HMGCLL1: variants seen among roughly 807,000 people sequenced by gnomAD.
The protein encoded by HMGCLL1 is 3-hydroxy-3-methylglutaryl-CoA lyase like 1, also known as 3-hydroxymethyl-3-methylglutaryl-CoA lyase, cytoplasmic.
A neutral mutation model predicts 39.1 loss-of-function variants in HMGCLL1; 36 were observed. That is an observed-to-expected ratio of 0.92 (90% CI 0.71 to 1.22). The LOEUF (loss-of-function observed/expected upper bound fraction) is 1.22, where lower values mean the gene tolerates loss of function less well. Ranked by LOEUF, HMGCLL1 falls within the 50% of genes most tolerant of loss-of-function variation. The pLI, the probability that HMGCLL1 is intolerant of heterozygous loss-of-function variation, is 0.00. For synonymous variants in HMGCLL1, 149 were observed against 144.0 expected, an observed-to-expected ratio of 1.03 and a Z score of -0.25; for missense variants, 451 against 416.5, an observed-to-expected ratio of 1.08 and a Z score of -0.72.
At chr6:55,533,546 A>G (rs1768812839) in intron 3 of HMGCLL1, among the ~76,000 whole-genome samples, 1 of 152,138 alleles carries the variant, frequency 6.6e-6, no homozygotes, top group African/African-American at 2.4e-5. Flanking sequence ...AAATAATTTA[A>G]CATATAGAAC....
At chr6:55,597,166 G>A in the HMGCLL1 span, among the ~76,000 whole-genome samples, 22 of 152,096 alleles carry the variant, frequency 1.4e-4, no homozygotes, top group Non-Finnish European at 3.2e-4. Context: ...AGAACTTAAC[G>A]TATGGAAGTG....
At chr6:55,641,214 G>A in the HMGCLL1 span, among the ~76,000 whole-genome samples, 1 of 151,566 alleles carries the variant, frequency 6.6e-6, no homozygotes, top group Non-Finnish European at 1.5e-5. Flanking sequence ...AAGACAGGAA[G>A]GAGAGGGGAA....
the HMGCLL1 span, among the ~76,000 whole-genome samples, chr6:55,598,582 A>G: frequency 6.6e-6 from 1 of 152,240 alleles, no homozygotes; most frequent in Non-Finnish European, 1.5e-5. Flanking sequence ...CAAGCTTTTC[A>G]GAACCTTATA....
At chr6:55,518,646 A>C (rs1767874105) in intron 3 of HMGCLL1, among the ~76,000 whole-genome samples, 1 of 152,106 alleles carries the variant, frequency 6.6e-6, no homozygotes, top group South Asian at 2.1e-4. Flanking sequence ...ACATCCTGTA[A>C]GAAAGCCCAA....
chr6:55,632,680 G>A, the HMGCLL1 span, among the ~76,000 whole-genome samples: 2 of 151,902 alleles, frequency 1.3e-5, no homozygotes, highest in African/African-American at 2.4e-5. Context: ...AGTGAATTTT[G>A]TATATACCTA....
the HMGCLL1 span, among the ~76,000 whole-genome samples, chr6:55,600,534 G>A: frequency 6.6e-6 from 1 of 152,138 alleles, no homozygotes; most frequent in African/African-American, 2.4e-5. Context: ...ATGGATGCTA[G>A]TAAATACTAT....
At chr6:55,475,305 T>C (rs1306208538) in intron 7 of HMGCLL1, among the ~76,000 whole-genome samples, 2 of 151,784 alleles carry the variant, frequency 1.3e-5, no homozygotes, top group East Asian at 3.9e-4. Flanking sequence ...TTCTCACTTT[T>C]AGATCCTGAT....
the HMGCLL1 span, among the ~76,000 whole-genome samples, chr6:55,603,694 T>C: frequency 6.6e-6 from 1 of 152,134 alleles, no homozygotes; most frequent in African/African-American, 2.4e-5. Context: ...TAGTCTTTTC[T>C]TACATCTCAC....
At chr6:55,528,351 G>A (rs949336205) in intron 3 of HMGCLL1, among the ~76,000 whole-genome samples, 4 of 152,020 alleles carry the variant, frequency 2.6e-5, no homozygotes, top group African/African-American at 7.2e-5. Context: ...CTCAATTTGA[G>A]CAGTAACTCC....
intron 1 of HMGCLL1, among the ~76,000 whole-genome samples, chr6:55,576,742 A>T (rs1771777661): frequency 6.6e-6 from 1 of 152,140 alleles, no homozygotes; most frequent in Admixed American, 6.5e-5. Flanking sequence ...GGTGTGAGGG[A>T]AATGAAAGAA....
At chr6:55,459,980 GTCTATAGAACA>G (rs1300795327) in intron 7 of HMGCLL1, among the ~76,000 whole-genome samples, 3 of 151,942 alleles carry the variant, frequency 2.0e-5, no homozygotes, top group African/African-American at 7.2e-5. Flanking sequence ...TTCAGCTAAT[GTCTATAGAACA>G]TCTGTAAGTA....
At chr6:55,656,650 T>G in the HMGCLL1 span, among the ~76,000 whole-genome samples, 1 of 151,968 alleles carries the variant, frequency 6.6e-6, no homozygotes. Context: ...AACACCACAG[T>G]AAATAATGCC....
rs367702005 is a variant in HMGCLL1, at chr6:55,559,308, T to A, written c.109-17168A>T. 2.6e-5 allele frequency among the ~76,000 whole-genome samples: 4 copies of A among 152,314 alleles called. No homozygotes were observed. In the East Asian group the frequency reaches 5.8e-4, roughly 22 times the overall value. ...TGTGCCCAATTTGCTTAACATTTCC[T>A]TATAATCAAGAAAAAGAGGAGCCTT... On this transcript the variant is annotated intron_variant, in intron 1 of 8. Coordinates refer to ENST00000274901, the MANE Select transcript of HMGCLL1 (RefSeq NM_001042406.2).
the HMGCLL1 span, among the ~76,000 whole-genome samples, chr6:55,664,232 A>G: frequency 2.6e-5 from 4 of 151,714 alleles, no homozygotes; most frequent in African/African-American, 4.8e-5. Context: ...ACTGGTTACT[A>G]TGCCAGCTTG....
chr6:55,566,789 A>C (rs965291379), intron 1 of HMGCLL1, among the ~76,000 whole-genome samples: 3 of 152,162 alleles, frequency 2.0e-5, no homozygotes, highest in Non-Finnish European at 4.4e-5. Flanking sequence ...ATTTTCTAAA[A>C]ACACCACCAG....
intron 5 of HMGCLL1, among the ~76,000 whole-genome samples, chr6:55,502,389 T>G (rs1766935365): frequency 1.3e-5 from 2 of 151,810 alleles, no homozygotes; most frequent in African/African-American, 4.8e-5. Context: ...TTTCCTAATT[T>G]CTAGAAAATT....
the HMGCLL1 span, among the ~76,000 whole-genome samples, chr6:55,673,947 T>G: frequency 3.3e-5 from 5 of 152,056 alleles, no homozygotes; most frequent in African/African-American, 4.8e-5. Flanking sequence ...ATTTAAAAAA[T>G]GCCAGAAGTA....
intron 3 of HMGCLL1, among the ~76,000 whole-genome samples, chr6:55,518,706 T>A (rs903335227): frequency 6.6e-6 from 1 of 152,072 alleles, no homozygotes; most frequent in East Asian, 1.9e-4. Flanking sequence ...GGAGAACCCA[T>A]GTGAAGAGGA....
At chr6:55,493,743 T>TTG (rs1171627276) in intron 7 of HMGCLL1, among the ~76,000 whole-genome samples, 1 of 151,688 alleles carries the variant, frequency 6.6e-6, no homozygotes, top group Non-Finnish European at 1.5e-5. Flanking sequence ...GTTTTTGTTT[T>TTG]TTTTTTTGAG....
Sources: allele counts gnomAD v4.1 joint callset (sites outside exome capture counted in the v4.1 genomes callset), GRCh38; gene constraint gnomAD v4.1.1; transcripts MANE v1.5; gene names NCBI Gene and HGNC (gene_info 2026-07-23, HGNC 2026-07-21).